Variants in CCDC74A observed in about 807,000 individuals in gnomAD.
CCDC74A encodes the protein coiled-coil domain-containing protein 74A.
A neutral mutation model predicts 37.6 loss-of-function variants in CCDC74A; 38 were observed. The observed-to-expected ratio is 1.01, with a 90% CI of 0.78 to 1.33. The LOEUF is 1.33. CCDC74A is among the 40% of genes most tolerant of loss of function. The pLI is 0.00. For missense variants in CCDC74A, 340 were observed against 403.4 expected (o/e 0.84, Z 1.35); for synonymous variants, 134 against 165.2 (o/e 0.81, Z 1.45).
chr2:131,533,110 G>C (rs943659317), intron 7 of CCDC74A, 41 bp downstream of exon 7: 1 of 1,612,584 alleles, frequency 6.2e-7, no homozygotes, highest in East Asian at 2.2e-5. Context: ...CAGCCCTGCA[G>C]CCTGGGCCCC....
Position 131,532,783 on chromosome 2 carries a change from T to C in CCDC74A, c.678+2T>C. On this transcript the variant is annotated splice_donor_variant, in intron 5 of 7. Coordinates refer to ENST00000409856, the MANE Select transcript of CCDC74A (RefSeq NM_001258306.3). LOFTEE classifies it high-confidence loss of function. ...ACCAACCTCCTGCAGACCCAAGAGG[T>C]GAGGCCCTGGGTGGTGGGGGTGGCC... The C allele has an allele frequency of 6.2e-7, 1 of 1,613,124 alleles. No individual in the cohort carries two copies. Among genetic ancestry groups the C allele is most frequent in the South Asian group, 1.1e-5 (1 of 91,032 alleles).
At chr2:131,523,095 G>A (rs1395559135), upstream of CCDC74A, among the ~76,000 whole-genome samples, 12 of 152,174 alleles carry the variant, frequency 7.9e-5, no homozygotes, top group South Asian at 1.7e-3. Flanking sequence ...TTGTAGAGAC[G>A]GGGTCTCACT....
At chr2:131,524,477 C>G (rs566186425), upstream of CCDC74A, among the ~76,000 whole-genome samples, 46 of 152,300 alleles carry the variant, frequency 3.0e-4, no homozygotes, top group South Asian at 5.8e-3. Context: ...TCTGCAGTAG[C>G]TTCCCTATAG....
At chr2:131,530,687 TGAA>T (rs1681100394) in intron 2 of CCDC74A, 87 bp from the exon 3 acceptor site, 1 of 1,613,008 alleles carries the variant, frequency 6.2e-7, no homozygotes, top group African/African-American at 1.3e-5. Flanking sequence ...CCTGCCAGGC[TGAA>T]GGAGGGCTCC....
upstream of CCDC74A, among the ~76,000 whole-genome samples, chr2:131,526,682 G>A (rs551395732): frequency 3.7e-4 from 57 of 152,256 alleles, 1 homozygote; most frequent in Middle Eastern, 6.8e-3. Flanking sequence ...TTTTGTTGAG[G>A]GCTGGTCGTG....
intron 3 of CCDC74A, among the ~76,000 whole-genome samples, chr2:131,531,231 G>T (rs1681239061): frequency 1.3e-5 from 2 of 152,168 alleles, no homozygotes; most frequent in South Asian, 4.1e-4. Context: ...GGCACCTTCT[G>T]CAGAGTGAGC....
chr2:131,532,046 C>T (rs564639403), intron 4 of CCDC74A, among the ~76,000 whole-genome samples: 1 of 150,608 alleles, frequency 6.6e-6, no homozygotes, highest in South Asian at 2.1e-4. Context: ...TGACCTGAGC[C>T]CACGAGGGGG....
At chr2:131,522,732 C>A (rs1362685457), upstream of CCDC74A, among the ~76,000 whole-genome samples, 1 of 152,136 alleles carries the variant, frequency 6.6e-6, no homozygotes, top group Non-Finnish European at 1.5e-5. Context: ...TATACCAGCG[C>A]CCCCGTGATC....
chr2:131,522,678 C>T (rs1230181376), upstream of CCDC74A, among the ~76,000 whole-genome samples: 1 of 152,150 alleles, frequency 6.6e-6, no homozygotes, highest in African/African-American at 2.4e-5. Flanking sequence ...AATCCCATTC[C>T]CTGGATCCCA....
chr2:131,529,867 C>T, intron 2 of CCDC74A, 176 bp downstream of exon 2: 1 of 1,490,648 alleles, frequency 6.7e-7, no homozygotes, highest in Non-Finnish European at 8.9e-7. Flanking sequence ...CGATGTTATG[C>T]AGCCAAGCAC....
upstream of CCDC74A, among the ~76,000 whole-genome samples, chr2:131,523,496 G>A (rs1384274386): frequency 1.3e-5 from 2 of 152,050 alleles, no homozygotes; most frequent in African/African-American, 2.4e-5. Flanking sequence ...GTGTGGTGGC[G>A]CATGCCTCTA....
At chr2:131,526,439 G>T (rs1035330738), upstream of CCDC74A, among the ~76,000 whole-genome samples, 1 of 152,144 alleles carries the variant, frequency 6.6e-6, no homozygotes, top group Non-Finnish European at 1.5e-5. Context: ...GAGCCACCCT[G>T]CCTGGCCTTC....
chr2:131,523,928 A>G (rs1391696819), upstream of CCDC74A, among the ~76,000 whole-genome samples: 1 of 151,920 alleles, frequency 6.6e-6, no homozygotes, highest in Non-Finnish European at 1.5e-5. Flanking sequence ...GGATCATGGG[A>G]AAGGGGCTAG....
chr2:131,525,591 G>A (rs1680268795), upstream of CCDC74A, among the ~76,000 whole-genome samples: 1 of 151,978 alleles, frequency 6.6e-6, no homozygotes, highest in Non-Finnish European at 1.5e-5. Context: ...TCTGTTGCTC[G>A]GGATGGAGTG....
rs746801314 is a variant in CCDC74A, at chr2:131,530,575, C to G, written c.296-202C>G. 9 of 1,607,052 alleles carry G rather than the reference C, an allele frequency of 5.6e-6. No homozygotes were observed. In the South Asian group the frequency reaches 8.8e-5, roughly 16 times the overall value. ...CATGTGTCCCAAGCCCTCCTGCTTTCCAGATGGCCCCTCAGGAAACCACCT... is the reference window on the plus strand; with the variant it reads ...CATGTGTCCCAAGCCCTCCTGCTTTGCAGATGGCCCCTCAGGAAACCACCT... On this transcript the variant is annotated intron_variant, in intron 2 of 7. Transcript: ENST00000409856.
In CCDC74A at chr2:131,530,781, C is replaced by G. The variant is rs1452587678; in HGVS notation, c.300C>G (p.Ser100Arg). Residue 100 changes from serine (S) to arginine (R), a missense_variant, in exon 3 of 8, where the codon AGC becomes AGG. Transcript: ENST00000409856. ...IMNQTSQKKD[S>R]LSMSSFQSVK... is the part of the protein sequence containing the mutation. The stretch of plus-strand genomic sequence containing the variant: ...ACACTGTGCGCTCTCCTGCAGACAG[C>G]CTCTCCATGTCAAGCTTCCAGTCTG... 4.4e-6 allele frequency: 7 copies of G among 1,601,070 alleles called. No individual in the cohort carries two copies. The highest frequency in any genetic ancestry group is 5.9e-6 in the Non-Finnish European group (7 of 1,177,962).
rs1559398693 is a variant in CCDC74A at position 131,527,960 on chromosome 2, G to A, written c.-11G>A. On this transcript the variant is annotated 5_prime_UTR_variant, in exon 1 of 8. Coordinates refer to ENST00000409856, the MANE Select transcript of CCDC74A (RefSeq NM_001258306.3). ...TGCAGTGGCAGCGGGAGAGTACCTG[G>A]CGATGGCGATATGAGCGGTGCGGGG... The A allele has an allele frequency of 3.5e-6, 5 of 1,432,894 alleles. No individual in the cohort carries two copies. The highest frequency in any genetic ancestry group is 4.6e-6 in the Non-Finnish European group (5 of 1,091,878). The allele number at this position is 1,432,894 out of a possible 1,614,324, so 88.8% of individuals were successfully genotyped here.
intron 7 of CCDC74A, 62 bp downstream of exon 7, chr2:131,533,131 T>A: frequency 6.2e-7 from 1 of 1,610,094 alleles, no homozygotes; most frequent in Middle Eastern, 1.7e-4. Context: ...AGGGAGGGAG[T>A]GGGGAAGGGA....
chr2:131,525,446 G>A (rs1475135332), upstream of CCDC74A, among the ~76,000 whole-genome samples: 5 of 152,052 alleles, frequency 3.3e-5, no homozygotes, highest in Admixed American at 2.6e-4. Flanking sequence ...TCCAACTCTT[G>A]GGCTCAAGAG....
Sources: gnomAD v4.1 joint callset for allele counts (sites outside exome capture counted in the v4.1 genomes callset) on GRCh38, gnomAD v4.1.1 for gene constraint, MANE v1.5 for transcripts, NCBI Gene and HGNC (gene_info 2026-07-23, HGNC 2026-07-21) for gene names.